The following TMEM273 variants were observed in gnomAD, a reference collection of about 807,000 sequenced individuals.
The protein encoded by TMEM273 is chromosome 10 open reading frame 128.
In TMEM273, 19 loss-of-function variants were observed where a neutral mutation model predicts 17.9. That is an observed-to-expected ratio of 1.06 (90% CI 0.74 to 1.55). The LOEUF (loss-of-function observed/expected upper bound fraction) is 1.55, where lower values mean the gene tolerates loss of function less well. Among genes scored for constraint, TMEM273 ranks in the 40% most tolerant of loss-of-function variants. The pLI is 0.00. For missense variants in TMEM273, 194 were observed against 155.6 expected (o/e 1.25, Z -1.31); for synonymous variants, 66 against 62.0 (o/e 1.07, Z -0.31).
intron 1 of TMEM273, among the ~76,000 whole-genome samples, chr10:49,180,320 G>A (rs73306709): frequency 0.01 from 1,598 of 152,230 alleles, 22 homozygotes; most frequent in African/African-American, 0.037. Flanking sequence ...CGAGGCTGAC[G>A]TTCCACTTCT....
intron 4 of TMEM273, 118 bp from the exon 5 acceptor site, chr10:49,165,401 G>T (rs1846109314): frequency 1.3e-6 from 2 of 1,522,956 alleles, no homozygotes; most frequent in African/African-American, 1.4e-5. Flanking sequence ...CAGCAGGGAA[G>T]CCCAGAAACC....
rs1048781788 is a variant in TMEM273 at position 49,155,693 on chromosome 10, C to T, written c.*199G>A. On this transcript the variant is annotated 3_prime_UTR_variant, in exon 7 of 7. Transcript: ENST00000374153. ...CCTTCCTCTGTGCAGTCCGTTTCTT[C>T]CAGAAGAGGCATGATATTTTCCTTC... The T allele has an allele frequency of 1.4e-6, 1 of 711,482 alleles. No homozygotes were observed. The allele number at this position is 711,482 out of a possible 1,614,324, so 44.1% of individuals were successfully genotyped here.
intron 5 of TMEM273, among the ~76,000 whole-genome samples, chr10:49,162,200 G>A (rs577555025): frequency 2.0e-5 from 3 of 152,306 alleles, no homozygotes; most frequent in Non-Finnish European, 2.9e-5. Flanking sequence ...TCATTCAGCA[G>A]TGTTTTCAAA....
rs12257132 is a variant in TMEM273 at position 49,165,787 on chromosome 10, G to A, written c.248C>T (p.Pro83Leu). 0.019 allele frequency: 31,261 copies of A among 1,613,994 alleles called. 1,485 individuals are homozygous for A. Among genetic ancestry groups the A allele is most frequent in the African/African-American group, 0.19 (13,883 of 74,950 alleles). ...TTACCTTGGGGCTCTCTTCTTTAGCGGGATGGTGTCTAAACAGAGAAAGCC... is the reference window on the plus strand; with the variant it reads ...TTACCTTGGGGCTCTCTTCTTTAGCAGGATGGTGTCTAAACAGAGAAAGCC... Reference protein sequence around the residue: ...STPGGLSDTIPLKKRAPRKLQ... With the variant: ...STPGGLSDTILLKKRAPRKLQ... Residue 83 changes from proline (P) to leucine (L), a missense_variant, in exon 4 of 7, where the codon CCG (proline) becomes CTG (leucine). Transcript: ENST00000374153.
intron 1 of TMEM273, chr10:49,178,074 C>G: frequency 2.4e-6 from 1 of 414,604 alleles, no homozygotes; most frequent in East Asian, 7.2e-5. Flanking sequence ...TCCAACCCAT[C>G]TGGGGCACTG....
At chr10:49,185,918 C>T (rs899702997) in intron 1 of TMEM273, among the ~76,000 whole-genome samples, 2 of 151,206 alleles carry the variant, frequency 1.3e-5, no homozygotes, top group Non-Finnish European at 2.9e-5. Flanking sequence ...GTGGAGGTTG[C>T]GGTGAGCCGA....
chr10:49,166,215 G>T (rs1204987845), intron 3 of TMEM273, among the ~76,000 whole-genome samples: 2 of 152,188 alleles, frequency 1.3e-5, no homozygotes, highest in African/African-American at 2.4e-5. Context: ...CAGAGGATGA[G>T]TCTGGGGATG....
chr10:49,168,101 T>C, intron 1 of TMEM273, 139 bp from the exon 2 acceptor site: 1 of 993,136 alleles, frequency 1.0e-6, no homozygotes, highest in South Asian at 1.5e-5. Context: ...CCATGGAGTG[T>C]CTTGGAGCCT....
intron 1 of TMEM273, among the ~76,000 whole-genome samples, chr10:49,184,667 A>C (rs1590259280): frequency 6.6e-6 from 1 of 152,322 alleles, no homozygotes; most frequent in South Asian, 2.1e-4. Flanking sequence ...TAAGGAACAG[A>C]TATGGCCACA....
chr10:49,185,071 G>C (rs1847582238), intron 1 of TMEM273, among the ~76,000 whole-genome samples: 2 of 152,150 alleles, frequency 1.3e-5, no homozygotes, highest in Non-Finnish European at 2.9e-5. Flanking sequence ...TCTGGGGAGG[G>C]AGGAAAACAA....
chr10:49,188,152 T>C, intron 1 of TMEM273, 142 bp downstream of exon 1: 1 of 956,828 alleles, frequency 1.0e-6, no homozygotes, highest in Non-Finnish European at 1.6e-6. Flanking sequence ...CATTGCTCAC[T>C]ACCAGATCAA....
chr10:49,156,171 A>G (rs756890670), intron 6 of TMEM273: 2 of 1,510,494 alleles, frequency 1.3e-6, no homozygotes, highest in South Asian at 2.4e-5. Flanking sequence ...GATGACAAAA[A>G]GAGAAGTCAT....
At position 49,154,980 on chromosome 10, in the gene TMEM273, G is replaced by C. The variant is rs190905831; in HGVS notation, c.*912C>G. Reference sequence around the variant, plus strand: ...CGAGAGATTTCCTGGAAAGTGGAAAGGCAAAGAATATTCCGTGATGTGATC... The same window carrying C: ...CGAGAGATTTCCTGGAAAGTGGAAACGCAAAGAATATTCCGTGATGTGATC... On this transcript the variant is annotated 3_prime_UTR_variant, in exon 7 of 7. Coordinates refer to ENST00000374153, the MANE Select transcript of TMEM273 (RefSeq NM_001288740.3). 1 of 152,318 alleles carries C rather than the reference G, an allele frequency of 6.6e-6. No homozygotes were observed. Among genetic ancestry groups the C allele is most frequent in the African/African-American group, 2.4e-5 (1 of 41,564 alleles). 9.4% of individuals were successfully genotyped at this position (152,318 alleles called of 1,614,324 possible).
At chr10:49,173,355 C>T (rs1032003367) in intron 1 of TMEM273, among the ~76,000 whole-genome samples, 4 of 152,174 alleles carry the variant, frequency 2.6e-5, no homozygotes, top group African/African-American at 4.8e-5. Context: ...GAGATAGGAG[C>T]AGAGAAGGCT....
intron 1 of TMEM273, chr10:49,178,353 G>C: frequency 4.4e-6 from 2 of 455,440 alleles, no homozygotes; most frequent in Non-Finnish European, 8.8e-6. Flanking sequence ...ACTCAAACAA[G>C]TGCTAATTAC....
intron 5 of TMEM273, 85 bp downstream of exon 5, chr10:49,165,120 C>T: frequency 6.9e-7 from 1 of 1,454,780 alleles, no homozygotes; most frequent in East Asian, 2.5e-5. Context: ...TATCGTATAG[C>T]ATCAACTAGT....
chr10:49,172,310 C>A (rs889643494), intron 1 of TMEM273, among the ~76,000 whole-genome samples: 2 of 152,128 alleles, frequency 1.3e-5, no homozygotes, highest in Non-Finnish European at 2.9e-5. Context: ...CACAGAGTGA[C>A]CAGGGAGACA....
intron 2 of TMEM273, 108 bp from the exon 3 acceptor site, chr10:49,167,117 A>G (rs886519441): frequency 1.4e-6 from 2 of 1,460,374 alleles, no homozygotes; most frequent in Admixed American, 1.9e-5. Context: ...ACCACCTCCC[A>G]CTGGCTGAGG....
chr10:49,166,264 T>G (rs984010364), intron 3 of TMEM273, among the ~76,000 whole-genome samples: 1 of 152,044 alleles, frequency 6.6e-6, no homozygotes, highest in Non-Finnish European at 1.5e-5. Context: ...TACTGCACTT[T>G]GGGTGCCAAG....
Sources: allele counts gnomAD v4.1 joint callset (sites outside exome capture counted in the v4.1 genomes callset), GRCh38; gene constraint gnomAD v4.1.1; transcripts MANE v1.5; gene names NCBI Gene and HGNC (gene_info 2026-07-23, HGNC 2026-07-21).